Variants in RPS6KA2 observed in about 807,000 individuals in gnomAD.
The protein encoded by RPS6KA2 is ribosomal protein S6 kinase A2.
Under a neutral mutation model 91.8 loss-of-function variants are expected in RPS6KA2, and 42 were observed. The ratio of observed to expected loss-of-function variants is 0.46; its 90% CI spans 0.36 to 0.59. The LOEUF (loss-of-function observed/expected upper bound fraction) is 0.59. Ranked by LOEUF, RPS6KA2 falls within the 20% of genes least tolerant of loss-of-function variation. RPS6KA2 has a pLI of 0.00. For missense variants in RPS6KA2, 798 were observed against 978.5 expected (o/e 0.82, Z 2.46); for synonymous variants, 414 against 393.6 (o/e 1.05, Z -0.61).
chr6:166,629,463 T>C (rs1323549906), upstream of RPS6KA2, among the ~76,000 whole-genome samples: 2 of 152,278 alleles, frequency 1.3e-5, no homozygotes, highest in East Asian at 3.8e-4. Context: ...TTCACTGGAA[T>C]TCATTGCTAG....
At chr6:166,446,347 G>A (rs780218554) in intron 14 of RPS6KA2, among the ~76,000 whole-genome samples, 1 of 152,144 alleles carries the variant, frequency 6.6e-6, no homozygotes, top group African/African-American at 2.4e-5. Flanking sequence ...TCCCGTGCTC[G>A]GTTAATTTAT....
chr6:166,817,846 C>T (rs553472356), intron 2 of RPS6KA2, among the ~76,000 whole-genome samples: 3 of 152,046 alleles, frequency 2.0e-5, no homozygotes, highest in East Asian at 3.9e-4. Context: ...TTTCAGCCTC[C>T]CGAGTAGCTG....
At chr6:166,581,071 T>G (rs575444850) in intron 1 of RPS6KA2, among the ~76,000 whole-genome samples, 7 of 152,220 alleles carry the variant, frequency 4.6e-5, no homozygotes, top group South Asian at 2.1e-4. Context: ...AGCTAATTTT[T>G]GTAATTTTTA....
At chr6:166,805,173 G>C (rs845663) in intron 2 of RPS6KA2, among the ~76,000 whole-genome samples, 1 of 151,990 alleles carries the variant, frequency 6.6e-6, no homozygotes, top group Non-Finnish European at 1.5e-5. Flanking sequence ...ACCTCTTGGC[G>C]TAGTAACAGT....
At chr6:166,430,937 T>A (rs1029664274) in intron 15 of RPS6KA2, among the ~76,000 whole-genome samples, 8 of 152,160 alleles carry the variant, frequency 5.3e-5, no homozygotes, top group Non-Finnish European at 1.2e-4. Flanking sequence ...ATTATTATTA[T>A]TTTTTGAGAT....
intron 2 of RPS6KA2, among the ~76,000 whole-genome samples, chr6:166,765,729 C>T (rs892870761): frequency 6.6e-6 from 1 of 152,154 alleles, no homozygotes; most frequent in Non-Finnish European, 1.5e-5. Context: ...CTAAGCATCA[C>T]ATTTTACATG....
At chr6:166,460,469 T>C (rs1213661570) in intron 11 of RPS6KA2, among the ~76,000 whole-genome samples, 2 of 151,894 alleles carry the variant, frequency 1.3e-5, no homozygotes, top group Non-Finnish European at 2.9e-5. Context: ...GGGAGCCCAG[T>C]GCTGAGAGAA....
chr6:166,701,430 C>T lies in RPS6KA2; in HGVS notation c.123+156770G>A, dbSNP rs1040161126. The stretch of plus-strand genomic sequence containing the variant: ...TCTTTCATTTTTCCATAATTCTTCC[C>T]TGAGCCTTGAACCGAGCCTCTGGTG... On this transcript the variant is annotated intron_variant, in intron 2 of 21. Coordinates refer to the RPS6KA2 transcript ENST00000503859. 8.9e-6 allele frequency: 11 copies of T among 1,238,884 alleles called. No individual in the cohort carries two copies. The African/African-American group carries it at 1.2e-4, about 13-fold the overall frequency. 76.7% of individuals were successfully genotyped at this position (1,238,884 alleles called of 1,614,324 possible).
chr6:166,614,827 C>T (rs1392514104), intron 1 of RPS6KA2, among the ~76,000 whole-genome samples: 2 of 152,208 alleles, frequency 1.3e-5, no homozygotes, highest in Admixed American at 1.3e-4. Flanking sequence ...CCTCTGCCTC[C>T]TCTCACGAGG....
intron 1 of RPS6KA2, among the ~76,000 whole-genome samples, chr6:166,599,346 T>C (rs778809561): frequency 5.5e-4 from 84 of 152,282 alleles, no homozygotes; most frequent in Middle Eastern, 3.4e-3. Context: ...GTGGGGAAAA[T>C]GGTAAACAGT....
rs1163100349 is a variant in RPS6KA2 at position 166,859,719 on chromosome 6, G to A, written c.64-1460C>T. On this transcript the variant is annotated intron_variant, in intron 1 of 21. Coordinates refer to the RPS6KA2 transcript ENST00000503859. ...TGGACCTCAGACCCAGTTCAGTTCG[G>A]TTCTCTCAGACTACAGATGAGAAAA... 5.9e-5 allele frequency among the ~76,000 whole-genome samples: 9 copies of A among 152,262 alleles called. No homozygotes were observed. The East Asian group carries it at 1.5e-3, about 26-fold the overall frequency.
At chr6:166,681,485 CCT>C (rs1583014992) in intron 2 of RPS6KA2, among the ~76,000 whole-genome samples, 1 of 152,184 alleles carries the variant, frequency 6.6e-6, no homozygotes, top group Non-Finnish European at 1.5e-5. Flanking sequence ...ACCCCTAATT[CCT>C]CTCTGACACC....
At chr6:166,719,435 G>T (rs563014339) in intron 2 of RPS6KA2, among the ~76,000 whole-genome samples, 1 of 152,162 alleles carries the variant, frequency 6.6e-6, no homozygotes, top group Non-Finnish European at 1.5e-5. Context: ...TGTATGCAAG[G>T]TTTGATATCA....
chr6:166,835,935 G>A (rs1039747462), intron 2 of RPS6KA2, among the ~76,000 whole-genome samples: 6 of 152,152 alleles, frequency 3.9e-5, no homozygotes, highest in African/African-American at 1.4e-4. Context: ...AGGAGAAATA[G>A]ATTTCGAGTT....
At position 166,437,217 on chromosome 6, in the gene RPS6KA2, C is replaced by T. The variant is rs183350922; in HGVS notation, c.1333-4727G>A. Among the ~76,000 whole-genome samples, 145 of 152,158 alleles carry T rather than the reference C, an allele frequency of 9.5e-4. No individual in the cohort carries two copies. The highest frequency in any genetic ancestry group is 1.4e-3 in the Non-Finnish European group (97 of 68,002). On this transcript the variant is annotated intron_variant, in intron 14 of 20. Coordinates refer to ENST00000265678, the MANE Select transcript of RPS6KA2 (RefSeq NM_021135.6). The surrounding 1 kb of genome is among the most constrained non-coding windows in gnomAD (Gnocchi z 4.3). ...GTTTAGGAGCACCAGGGAGTGGGCC[C>T]CAAGTGCCTGCCAGCGCACTTCTTC...
chr6:166,566,190 G>A (rs1209835150), intron 1 of RPS6KA2, among the ~76,000 whole-genome samples: 2 of 152,220 alleles, frequency 1.3e-5, no homozygotes, highest in Non-Finnish European at 2.9e-5. Context: ...GCCTTGGCTG[G>A]GCGCAGGCTG....
intron 2 of RPS6KA2, among the ~76,000 whole-genome samples, chr6:166,697,233 T>C (rs749369747): frequency 2.0e-5 from 3 of 152,066 alleles, no homozygotes; most frequent in African/African-American, 7.3e-5. Context: ...AAAAGACTCA[T>C]ATAAGCTATA....
intron 2 of RPS6KA2, among the ~76,000 whole-genome samples, chr6:166,808,663 A>G (rs1583141462): frequency 6.6e-6 from 1 of 152,360 alleles, no homozygotes; most frequent in African/African-American, 2.4e-5. Flanking sequence ...CCATATTTAC[A>G]CTAAAAAAAA....
chr6:166,689,164 T>A (rs1233370277), intron 2 of RPS6KA2, among the ~76,000 whole-genome samples: 3 of 152,344 alleles, frequency 2.0e-5, no homozygotes, highest in South Asian at 2.1e-4. Flanking sequence ...ACCAAAGCCC[T>A]CGCTTTCTCA....
Sources: allele counts gnomAD v4.1 joint callset (sites outside exome capture counted in the v4.1 genomes callset), GRCh38; gene constraint gnomAD v4.1.1; non-coding constraint Gnocchi (gnomAD v3.1); transcripts MANE v1.5; gene names NCBI Gene and HGNC (gene_info 2026-07-23, HGNC 2026-07-21).